Variants in SLC24A2 observed in about 807,000 individuals in gnomAD.
SLC24A2 encodes the protein solute carrier family 24 member 2.
SLC24A2 carries 36 observed loss-of-function variants against 62.0 expected under a neutral mutation model. The observed-to-expected ratio is 0.58, with a 90% confidence interval of 0.44 to 0.77. The LOEUF is 0.77. Among genes scored for constraint, SLC24A2 ranks in the 30% least tolerant of loss-of-function variants. The pLI is 0.00. For missense variants in SLC24A2, 846 were observed against 817.9 expected (o/e 1.03, Z -0.42); for synonymous variants, 358 against 294.0 (o/e 1.22, Z -2.23).
chr9:20,063,367 T>G, the SLC24A2 span, among the ~76,000 whole-genome samples: 1 of 150,500 alleles, frequency 6.6e-6, no homozygotes, highest in African/African-American at 2.5e-5. Flanking sequence ...TCGGAAATCA[T>G]CATTCTCAGT....
chr9:20,203,323 A>G, the SLC24A2 span, among the ~76,000 whole-genome samples: 1 of 152,302 alleles, frequency 6.6e-6, no homozygotes, highest in African/African-American at 2.4e-5. Context: ...ATTAAACTAG[A>G]TAATGCAGTT....
chr9:20,202,248 G>C, the SLC24A2 span, among the ~76,000 whole-genome samples: 1 of 152,184 alleles, frequency 6.6e-6, no homozygotes, highest in African/African-American at 2.4e-5. Context: ...ACACGCCAGA[G>C]AAAGAAAGGA....
At chr9:20,258,466 C>A in the SLC24A2 span, among the ~76,000 whole-genome samples, 1 of 152,180 alleles carries the variant, frequency 6.6e-6, no homozygotes, top group African/African-American at 2.4e-5. Flanking sequence ...TGCCATCCAA[C>A]AACTGGGGGT....
the SLC24A2 span, among the ~76,000 whole-genome samples, chr9:20,239,974 G>C: frequency 6.6e-6 from 1 of 152,078 alleles, no homozygotes; most frequent in South Asian, 2.1e-4. Flanking sequence ...TTAGGAAAGG[G>C]TTACCCTGTC....
Position 19,560,914 on chromosome 9 carries a change from TATAGAGAGAG to T in SLC24A2, c.1348-10656_1348-10647del, listed in dbSNP as rs1194689384. ...GTGTGTGTGTATATATATATATATA[TATAGAGAGAG>T]AGAGAGAGAGAGAGAGAGAGAGACA... On this transcript the variant is annotated intron_variant, in intron 7 of 10. Transcript: ENST00000341998. 4.6e-3 allele frequency among the ~76,000 whole-genome samples: 491 copies of T among 106,404 alleles called. 2 individuals carry two copies. Among genetic ancestry groups the T allele is most frequent in the African/African-American group, 0.02 (460 of 23,324 alleles). 69.8% of individuals were successfully genotyped at this position (106,404 alleles called of 152,430 possible).
Position 19,515,794 on chromosome 9 carries a change from T to C in SLC24A2, c.*359A>G, listed in dbSNP as rs1249442163. 10 of 316,546 alleles carry C rather than the reference T, an allele frequency of 3.2e-5. No homozygotes were observed. The East Asian group carries it at 7.6e-4, about 24-fold the overall frequency. 19.6% of individuals were successfully genotyped at this position (316,546 alleles called of 1,614,324 possible). ...ATAGTACAGGAACAGGCAGGATTTG[T>C]GTGTTCATGTGCGTATATTTATAAT... On this transcript the variant is annotated 3_prime_UTR_variant, in exon 11 of 11. Transcript: ENST00000341998.
chr9:19,950,061 G>C, the SLC24A2 span, among the ~76,000 whole-genome samples: 35,989 of 152,150 alleles, frequency 0.24, 5,204 homozygotes, highest in South Asian at 0.38. Context: ...ACGAGCATGG[G>C]TATAGTGGTT....
At chr9:19,735,674 A>G (rs1042421864) in intron 2 of SLC24A2, among the ~76,000 whole-genome samples, 12 of 152,226 alleles carry the variant, frequency 7.9e-5, no homozygotes, top group African/African-American at 2.9e-4. Flanking sequence ...AATACTATGC[A>G]GCCATAAAAA....
At chr9:20,032,077 T>A in the SLC24A2 span, among the ~76,000 whole-genome samples, 100 of 152,324 alleles carry the variant, frequency 6.6e-4, no homozygotes, top group Non-Finnish European at 1.3e-3. Flanking sequence ...TGGGCTCCTA[T>A]GTATTTCCTA....
intron 2 of SLC24A2, among the ~76,000 whole-genome samples, chr9:19,696,118 C>G (rs1026093401): frequency 6.6e-6 from 1 of 152,058 alleles, no homozygotes; most frequent in Admixed American, 6.6e-5. Flanking sequence ...AGCAGGAACC[C>G]TATTGTGAAC....
At chr9:20,279,127 T>C in the SLC24A2 span, among the ~76,000 whole-genome samples, 1 of 152,172 alleles carries the variant, frequency 6.6e-6, no homozygotes, top group Non-Finnish European at 1.5e-5. Context: ...ATCCCCATGA[T>C]TTGATTTTCT....
rs528584390 is a variant in SLC24A2, at chr9:19,515,928, G to A, written c.*225C>T. 96 of 568,078 alleles carry A rather than the reference G, an allele frequency of 1.7e-4. No homozygotes were observed. The East Asian group carries it at 3.0e-3, about 18-fold the overall frequency. 35.2% of individuals were successfully genotyped at this position (568,078 alleles called of 1,614,324 possible). On this transcript the variant is annotated 3_prime_UTR_variant, in exon 11 of 11. Transcript: ENST00000341998. Reference sequence around the variant, plus strand: ...GAATAGGGAGAAGCCCTGTATTGACGGTTCTCTTTGTCTTTTACATGAAGT... The same window carrying A: ...GAATAGGGAGAAGCCCTGTATTGACAGTTCTCTTTGTCTTTTACATGAAGT...
chr9:19,697,110 T>A (rs986626782), intron 2 of SLC24A2, among the ~76,000 whole-genome samples: 4 of 152,128 alleles, frequency 2.6e-5, no homozygotes. Flanking sequence ...TCTAGGAAAT[T>A]AAAAAAATAA....
intron 2 of SLC24A2, among the ~76,000 whole-genome samples, chr9:19,707,709 T>C (rs1820576054): frequency 6.6e-6 from 1 of 152,186 alleles, no homozygotes. Flanking sequence ...CAACAACCCT[T>C]CATGCTTAAA....
chr9:20,100,020 T>C, the SLC24A2 span, among the ~76,000 whole-genome samples: 31 of 151,914 alleles, frequency 2.0e-4, no homozygotes, highest in Middle Eastern at 6.8e-3. Flanking sequence ...CTCCTATTCA[T>C]CTTTTTTTTT....
intron 2 of SLC24A2, among the ~76,000 whole-genome samples, chr9:19,686,499 G>A (rs1301884974): frequency 6.6e-6 from 1 of 152,062 alleles, no homozygotes; most frequent in East Asian, 1.9e-4. Flanking sequence ...CTCATCTTGA[G>A]TTGTAGTTTC....
chr9:20,029,314 C>T, the SLC24A2 span, among the ~76,000 whole-genome samples: 1 of 152,220 alleles, frequency 6.6e-6, no homozygotes, highest in African/African-American at 2.4e-5. Flanking sequence ...GCATGCTCAT[C>T]ATTAATTTCC....
intron 7 of SLC24A2, among the ~76,000 whole-genome samples, chr9:19,553,325 A>G (rs973528796): frequency 6.6e-6 from 1 of 152,216 alleles, no homozygotes; most frequent in African/African-American, 2.4e-5. Context: ...GAGTTGTGGT[A>G]TGCTGGCTTT....
chr9:20,273,386 C>T, the SLC24A2 span, among the ~76,000 whole-genome samples: 1 of 152,112 alleles, frequency 6.6e-6, no homozygotes, highest in Admixed American at 6.6e-5. Context: ...AAAAAGCATC[C>T]AAAGTGATAT....
Sources: gnomAD v4.1 joint callset for allele counts (sites outside exome capture counted in the v4.1 genomes callset) on GRCh38, gnomAD v4.1.1 for gene constraint, MANE v1.5 for transcripts, NCBI Gene and HGNC (gene_info 2026-07-23, HGNC 2026-07-21) for gene names.